The following AACS variants were observed in gnomAD, a reference collection of about 807,000 sequenced individuals.
AACS encodes acetoacetate-CoA ligase.
AACS carries 69 observed loss-of-function variants against 83.1 expected under a neutral mutation model. The observed-to-expected ratio is 0.83, with a 90% CI of 0.68 to 1.01. The LOEUF (loss-of-function observed/expected upper bound fraction) is 1.01, where lower values mean the gene tolerates loss of function less well. Ranked by LOEUF, AACS falls within the 50% of genes least tolerant of loss-of-function variation. AACS has a pLI of 0.00. For missense variants in AACS, 866 were observed against 882.2 expected, an observed-to-expected ratio of 0.98 and a Z score of 0.23; for synonymous variants, 333 against 343.4, an observed-to-expected ratio of 0.97 and a Z score of 0.33.
At chr12:125,135,386 C>T (rs556707625) in intron 16 of AACS, among the ~76,000 whole-genome samples, 26 of 152,254 alleles carry the variant, frequency 1.7e-4, no homozygotes, top group African/African-American at 6.0e-4. Flanking sequence ...TGAGCCACCA[C>T]GCCCGGCCAA....
intron 16 of AACS, among the ~76,000 whole-genome samples, chr12:125,135,274 T>C (rs1473047475): frequency 6.6e-6 from 1 of 152,084 alleles, no homozygotes; most frequent in Admixed American, 6.5e-5. Flanking sequence ...TTTGTATTTT[T>C]AGTAGAGATG....
intron 6 of AACS, 91 bp downstream of exon 6, chr12:125,102,884 C>T (rs1219394375): frequency 1.4e-6 from 2 of 1,420,988 alleles, no homozygotes; most frequent in Admixed American, 1.8e-5. Context: ...GTAGTCTCTG[C>T]CCCAGATTGT....
At chr12:125,076,714 G>C in intron 3 of AACS, 103 bp downstream of exon 3, 1 of 1,510,004 alleles carries the variant, frequency 6.6e-7, no homozygotes, top group Admixed American at 1.9e-5. Context: ...TAAACCATAT[G>C]TTGGCACCTT....
intron 5 of AACS, among the ~76,000 whole-genome samples, chr12:125,098,944 G>T (rs1189610944): frequency 1.3e-5 from 2 of 152,212 alleles, no homozygotes; most frequent in East Asian, 3.8e-4. Context: ...CGGGACGTAG[G>T]TGGGGGTGTT....
chr12:125,095,687 G>C (rs1019727551), intron 5 of AACS, among the ~76,000 whole-genome samples: 1 of 152,230 alleles, frequency 6.6e-6, no homozygotes, highest in African/African-American at 2.4e-5. Context: ...GCTGGGCTTT[G>C]GAGATGCTGA....
chr12:125,139,780 C>A (rs1019838142), intron 17 of AACS: 3 of 152,314 alleles, frequency 2.0e-5, no homozygotes, highest in African/African-American at 4.8e-5. Context: ...ATGTGCACAT[C>A]TTTCTGGTGG....
chr12:125,070,354 G>A (rs900070124), intron 1 of AACS, among the ~76,000 whole-genome samples: 2 of 152,124 alleles, frequency 1.3e-5, no homozygotes, highest in East Asian at 1.9e-4. Flanking sequence ...CAGAGAATGC[G>A]GTTTAGAAGG....
chr12:125,131,490 G>A (rs1462186492), intron 14 of AACS, among the ~76,000 whole-genome samples: 1 of 152,178 alleles, frequency 6.6e-6, no homozygotes, highest in African/African-American at 2.4e-5. Flanking sequence ...GGGATTACTA[G>A]CATGAGCCAC....
chr12:125,097,470 A>G lies in AACS; in HGVS notation c.571-5209A>G, dbSNP rs570244205. Among the ~76,000 whole-genome samples, 11 of 150,200 alleles carry G rather than the reference A, an allele frequency of 7.3e-5. No homozygotes were observed. The South Asian group carries it at 2.3e-3, about 32-fold the overall frequency. On this transcript the variant is annotated intron_variant, in intron 5 of 17. Transcript: ENST00000316519. This position sits in a 1 kb window ranked among gnomAD's most constrained non-coding sequence, Gnocchi z 4.3. ...AAAAAAGTGCGTTGGGGCAGCTCCAAGGGCGTCTCTGTAATAATGTCACAG... is the reference window on the plus strand; with the variant it reads ...AAAAAAGTGCGTTGGGGCAGCTCCAGGGGCGTCTCTGTAATAATGTCACAG...
In AACS at chr12:125,072,085, G is replaced by A. The variant is rs372677335; in HGVS notation, c.134-1791G>A. Among the ~76,000 whole-genome samples, 21 of 151,604 alleles carry A rather than the reference G, an allele frequency of 1.4e-4. 1 individual carries two copies. The highest frequency in any genetic ancestry group is 5.1e-4 in the African/African-American group (21 of 41,390). ...TTGGTCAGGCTGGTCTCAAACTCCT[G>A]ACCTCAAGCAATCCACCCATCTCGG... On this transcript the variant is annotated intron_variant, in intron 1 of 17. Transcript: ENST00000316519.
chr12:125,136,695 GTGTCCCC>G lies in AACS; in HGVS notation c.1713_1719del (p.Val572SerfsTer10). The G allele has an allele frequency of 6.2e-7, 1 of 1,614,068 alleles. No homozygotes were observed. Among genetic ancestry groups the G allele is most frequent in the Non-Finnish European group, 8.5e-7 (1 of 1,180,012 alleles). The stretch of plus-strand genomic sequence containing the variant: ...TTCGAGGAGGTGGAGGACAGCCTGT[GTGTCCCC>G]CAGTATAACAAGTACAGGGAGGAGA... On this transcript the variant is annotated frameshift_variant, in exon 17 of 18. Transcript: ENST00000316519. LOFTEE classifies it high-confidence loss of function.
At position 125,129,243 on chromosome 12, in the gene AACS, C is replaced by T; in HGVS notation, c.1424-92C>T. The T allele has an allele frequency of 1.3e-6, 2 of 1,487,278 alleles. No individual in the cohort carries two copies. Among genetic ancestry groups the T allele is most frequent in the Non-Finnish European group, 1.8e-6 (2 of 1,113,616 alleles). 92.1% of individuals were successfully genotyped at this position (1,487,278 alleles called of 1,614,324 possible). On this transcript the variant is annotated intron_variant, in intron 13 of 17. Coordinates refer to ENST00000316519, the MANE Select transcript of AACS (RefSeq NM_023928.5). This position sits in a 1 kb window ranked among gnomAD's most constrained non-coding sequence, Gnocchi z 4.3. ...ACCTTTGTATATGTCTGGAATATTG[C>T]ATAATAAGTAATAGCTTAAGAAAGA...
chr12:125,076,749 G>C (rs145554555), intron 3 of AACS, 138 bp downstream of exon 3: 4 of 1,386,706 alleles, frequency 2.9e-6, no homozygotes, highest in Non-Finnish European at 3.9e-6. Context: ...GATTTCTGTC[G>C]ACTTTATTTT....
intron 7 of AACS, 44 bp downstream of exon 7, chr12:125,103,125 G>A: frequency 6.4e-7 from 1 of 1,553,384 alleles, no homozygotes; most frequent in South Asian, 1.2e-5. Flanking sequence ...TGGACCCACT[G>A]GAGCTCCTGC....
chr12:125,092,657 G>C (rs1956511977), intron 5 of AACS: 1 of 152,430 alleles, frequency 6.6e-6, no homozygotes, highest in African/African-American at 2.4e-5. Flanking sequence ...CCTGCCTTCT[G>C]GAACTTTCCT....
At chr12:125,083,944 G>A (rs1001524383) in intron 3 of AACS, among the ~76,000 whole-genome samples, 22 of 152,076 alleles carry the variant, frequency 1.4e-4, no homozygotes, top group African/African-American at 4.8e-4. Flanking sequence ...GTGAGCCACC[G>A]TGCCCGGCCT....
intron 16 of AACS, among the ~76,000 whole-genome samples, chr12:125,135,498 G>A (rs780283435): frequency 2.0e-5 from 3 of 152,192 alleles, no homozygotes; most frequent in Non-Finnish European, 4.4e-5. Context: ...CACAGAGAGT[G>A]TAGGCCTGTG....
rs35230801 is a variant in AACS, at chr12:125,067,542, A to AT, written c.133+1839dup. Among the ~76,000 whole-genome samples the AT allele has an allele frequency of 6.9e-3, 1,021 of 148,514 alleles. 8 individuals carry two copies. The highest frequency in any genetic ancestry group is 0.024 in the African/African-American group (981 of 40,376). Reference sequence around the variant, plus strand: ...AGGGATTTGTAATCTGACTATCTGGATTTTTTTTTTTTTTAAGCCTCGCTT... The same window carrying AT: ...AGGGATTTGTAATCTGACTATCTGGATTTTTTTTTTTTTTTAAGCCTCGCTT... On this transcript the variant is annotated intron_variant, in intron 1 of 17. Transcript: ENST00000316519.
At chr12:125,131,358 T>G (rs1957326619) in intron 14 of AACS, among the ~76,000 whole-genome samples, 1 of 152,060 alleles carries the variant, frequency 6.6e-6, no homozygotes, top group African/African-American at 2.4e-5. Context: ...ACTACAGGTG[T>G]GTGCTACCAT....
Sources: gnomAD v4.1 joint callset for allele counts (sites outside exome capture counted in the v4.1 genomes callset) on GRCh38, gnomAD v4.1.1 for gene constraint, Gnocchi (gnomAD v3.1) non-coding constraint, MANE v1.5 for transcripts, NCBI Gene and HGNC (gene_info 2026-07-23, HGNC 2026-07-21) for gene names.